The following PDE7B variants were observed in gnomAD, a reference collection of about 807,000 sequenced individuals.
The protein encoded by PDE7B is phosphodiesterase 7B, also known as 3',5'-cyclic-AMP phosphodiesterase 7B.
In PDE7B, 29 loss-of-function variants were observed where a neutral mutation model predicts 56.2. The observed-to-expected ratio is 0.52, with a 90% CI of 0.38 to 0.70. The LOEUF (loss-of-function observed/expected upper bound fraction) is 0.70. PDE7B is among the 30% of genes least tolerant of loss of function. The pLI, the probability that PDE7B is intolerant of heterozygous loss-of-function variation, is 0.00. For missense variants in PDE7B, 490 were observed against 565.0 expected (o/e 0.87, Z 1.35); for synonymous variants, 197 against 196.9 (o/e 1.00, Z 0.00).
intron 1 of PDE7B, among the ~76,000 whole-genome samples, chr6:135,926,165 C>G (rs1187375301): frequency 6.1e-5 from 9 of 146,366 alleles, no homozygotes; most frequent in Non-Finnish European, 1.3e-4. Flanking sequence ...CGGCTCACTG[C>G]AAGCTCCGCC....
At chr6:136,061,329 A>C (rs1479570414) in intron 2 of PDE7B, among the ~76,000 whole-genome samples, 7 of 152,188 alleles carry the variant, frequency 4.6e-5, no homozygotes, top group African/African-American at 1.7e-4. Context: ...CATAGTTTGG[A>C]ATTCTTATTG....
In PDE7B at chr6:135,881,462, C is replaced by T. The variant is rs1032565629; in HGVS notation, c.21+29443C>T. ...GGCAGACGTTGCAATGAGCTGAGAT[C>T]GTGCCACTGCACTCCAGCCTGGTGA... On this transcript the variant is annotated intron_variant, in intron 1 of 12. Coordinates refer to ENST00000308191, the MANE Select transcript of PDE7B (RefSeq NM_018945.4). 4.6e-5 allele frequency among the ~76,000 whole-genome samples: 7 copies of T among 152,040 alleles called. 1 individual carries two copies. Among genetic ancestry groups the T allele is most frequent in the African/African-American group, 7.2e-5 (3 of 41,482 alleles).
chr6:135,909,465 G>A (rs1776173392), intron 1 of PDE7B, among the ~76,000 whole-genome samples: 1 of 152,074 alleles, frequency 6.6e-6, no homozygotes, highest in Non-Finnish European at 1.5e-5. Flanking sequence ...AATTAGCTGG[G>A]AGTGGTGGTG....
chr6:136,181,380 T>G (rs1779062005), intron 11 of PDE7B, 57 bp downstream of exon 11: 4 of 1,066,962 alleles, frequency 3.7e-6, no homozygotes, highest in Non-Finnish European at 2.9e-6. Context: ...TAGGCATTTA[T>G]CCTAATAAAA....
At chr6:136,038,383 G>T in intron 2 of PDE7B, 1 of 1,291,650 alleles carries the variant, frequency 7.7e-7, no homozygotes, top group Non-Finnish European at 1.0e-6. Context: ...CGGGAAGCCG[G>T]CCGGGGTGCC....
In PDE7B at chr6:136,126,507, GT is replaced by G. The variant is rs1465070210; in HGVS notation, c.166+17696del. Among the ~76,000 whole-genome samples the G allele has an allele frequency of 5.9e-5, 9 of 152,298 alleles. No homozygotes were observed. The East Asian group carries it at 1.4e-3, about 23-fold the overall frequency. On this transcript the variant is annotated intron_variant, in intron 3 of 12. Transcript: ENST00000308191. ...ATGAAAAAGATACTTGCACGTGTAT[GT>G]TTATAGTAGCACCATTTGCAACTGC... is the stretch of plus-strand genomic sequence containing the variant.
At chr6:135,980,133 G>A (rs1775269553) in intron 2 of PDE7B, among the ~76,000 whole-genome samples, 2 of 152,030 alleles carry the variant, frequency 1.3e-5, no homozygotes, top group Admixed American at 6.6e-5. Flanking sequence ...CAGAAATAAC[G>A]CTGCATATCT....
intron 2 of PDE7B, among the ~76,000 whole-genome samples, chr6:136,019,223 C>T (rs180893522): frequency 2.6e-5 from 4 of 152,026 alleles, no homozygotes; most frequent in Admixed American, 6.6e-5. Context: ...ACTTAAGGGC[C>T]GTTAGCCAGT....
intron 2 of PDE7B, among the ~76,000 whole-genome samples, chr6:136,051,550 T>G (rs1776628941): frequency 6.6e-6 from 1 of 152,188 alleles, no homozygotes; most frequent in South Asian, 2.1e-4. Flanking sequence ...TTCAAAGACA[T>G]TACACAGAGC....
intron 2 of PDE7B, among the ~76,000 whole-genome samples, chr6:135,975,794 A>G (rs192668549): frequency 6.5e-5 from 7 of 108,314 alleles, no homozygotes; most frequent in East Asian, 2.7e-4. Flanking sequence ...CACTCCCCCA[A>G]TGGGGATACC....
intron 1 of PDE7B, among the ~76,000 whole-genome samples, chr6:135,935,186 T>TTTTATATATATATATATA (rs1404954510): frequency 1.0e-4 from 4 of 38,442 alleles, no homozygotes; most frequent in African/African-American, 5.9e-4. Context: ...ATATATATAT[T>TTTTATATATATATATATA]TATTTATATA....
intron 2 of PDE7B, among the ~76,000 whole-genome samples, chr6:136,011,910 G>C (rs1256872850): frequency 6.6e-6 from 1 of 152,144 alleles, no homozygotes; most frequent in Non-Finnish European, 1.5e-5. Context: ...TAATGATTTA[G>C]AATATAGTTT....
chr6:135,999,731 C>T (rs539879397), intron 2 of PDE7B, among the ~76,000 whole-genome samples: 1 of 151,386 alleles, frequency 6.6e-6, no homozygotes, highest in African/African-American at 2.4e-5. Flanking sequence ...CATATGCATG[C>T]ATGTGTCTTT....
chr6:136,179,664 G>A (rs1438214043), intron 10 of PDE7B, among the ~76,000 whole-genome samples: 1 of 152,140 alleles, frequency 6.6e-6, no homozygotes, highest in Non-Finnish European at 1.5e-5. Context: ...TTAAAAGACT[G>A]TTTCTGAAAC....
chr6:135,941,773 G>T (rs1055153001), intron 1 of PDE7B, among the ~76,000 whole-genome samples: 3 of 152,074 alleles, frequency 2.0e-5, no homozygotes, highest in African/African-American at 7.2e-5. Context: ...TATCTTCTCA[G>T]CTGACACTCA....
At chr6:135,854,906 A>C (rs1410120352) in intron 1 of PDE7B, among the ~76,000 whole-genome samples, 1 of 152,230 alleles carries the variant, frequency 6.6e-6, no homozygotes, top group Non-Finnish European at 1.5e-5. Context: ...AGAGTGAAAT[A>C]TGTCAAAGTT....
intron 2 of PDE7B, among the ~76,000 whole-genome samples, chr6:136,041,366 G>C (rs767389859): frequency 3.3e-5 from 5 of 152,240 alleles, no homozygotes; most frequent in Non-Finnish European, 5.9e-5. Flanking sequence ...ATGTGTTCGT[G>C]AGAGATTTTA....
At chr6:136,077,058 A>T (rs922271692) in intron 2 of PDE7B, among the ~76,000 whole-genome samples, 2 of 135,430 alleles carry the variant, frequency 1.5e-5, no homozygotes, top group African/African-American at 5.3e-5. Flanking sequence ...AGCCTGGAGG[A>T]TGTGTTCCAC....
chr6:136,159,760 A>G (rs1415018613), intron 8 of PDE7B, among the ~76,000 whole-genome samples: 1 of 152,246 alleles, frequency 6.6e-6, no homozygotes, highest in Non-Finnish European at 1.5e-5. Context: ...ATGTTCAATT[A>G]ACTCTGGTTC....
Sources: gnomAD v4.1 joint callset for allele counts (sites outside exome capture counted in the v4.1 genomes callset) on GRCh38, gnomAD v4.1.1 for gene constraint, MANE v1.5 for transcripts, NCBI Gene and HGNC (gene_info 2026-07-23, HGNC 2026-07-21) for gene names.